Variants in CNTNAP2 observed in about 807,000 individuals in gnomAD.
CNTNAP2 encodes the protein contactin associated protein 2, also known as contactin-associated protein-like 2.
Under a neutral mutation model 155.2 loss-of-function variants are expected in CNTNAP2, and 98 were observed. The ratio of observed to expected loss-of-function variants is 0.63; its 90% CI spans 0.54 to 0.75. The LOEUF is 0.75. Among genes scored for constraint, CNTNAP2 ranks in the 30% least tolerant of loss-of-function variants. The probability of loss-of-function intolerance (pLI) is 0.00; values close to 1 mark genes in which losing one functional copy is unlikely to be tolerated. For synonymous variants in CNTNAP2, 651 were observed against 631.2 expected (o/e 1.03, Z -0.47); for missense variants, 1,727 against 1,688.1 (o/e 1.02, Z -0.40).
intron 1 of CNTNAP2, among the ~76,000 whole-genome samples, chr7:146,682,009 AAC>A (rs59333105): frequency 0.7 from 106,200 of 151,748 alleles, 38,134 homozygotes; most frequent in South Asian, 0.86. Flanking sequence ...GACGCACAGA[AAC>A]ACATGTATAA....
At chr7:146,170,185 C>A (rs939388612) in intron 1 of CNTNAP2, among the ~76,000 whole-genome samples, 3 of 151,906 alleles carry the variant, frequency 2.0e-5, no homozygotes. Flanking sequence ...CACCACCACA[C>A]CCAGCTAATT....
rs565034617 is a variant in CNTNAP2, at chr7:148,375,639, G to GT, written c.3476-8009dup. Among the ~76,000 whole-genome samples the GT allele has an allele frequency of 2.5e-3, 374 of 151,238 alleles. 2 individuals carry two copies. The highest frequency in any genetic ancestry group is 8.2e-3 in the African/African-American group (336 of 41,212). ...CTCCCAAAGTGCTGGGATTACAGGCGTAAGCCACCATGCCCGGCCATTACA... is the reference window on the plus strand; with the variant it reads ...CTCCCAAAGTGCTGGGATTACAGGCGTTAAGCCACCATGCCCGGCCATTACA... On this transcript the variant is annotated intron_variant, in intron 21 of 23. Transcript: ENST00000361727.
chr7:146,813,142 C>T lies in CNTNAP2; in HGVS notation c.209-26569C>T, dbSNP rs182208835. ...GTGGAAGGAAAATGTAGGGTCAGAG[C>T]CCCCACACAGAGTCCCCACTGGGGC... On this transcript the variant is annotated intron_variant, in intron 2 of 23. Coordinates refer to ENST00000361727, the MANE Select transcript of CNTNAP2 (RefSeq NM_014141.6). Among the ~76,000 whole-genome samples, 19 of 152,222 alleles carry T rather than the reference C, an allele frequency of 1.2e-4. No individual in the cohort carries two copies. The East Asian group carries it at 3.3e-3, about 26-fold the overall frequency.
At chr7:147,940,526 A>G (rs2116814170) in intron 14 of CNTNAP2, among the ~76,000 whole-genome samples, 1 of 151,998 alleles carries the variant, frequency 6.6e-6, no homozygotes, top group Non-Finnish European at 1.5e-5. Flanking sequence ...TTTCTTTTTT[A>G]ATTATTTATT....
rs555429615 is a variant in CNTNAP2, at chr7:148,210,913, C to A, written c.3011-6375C>A. 5.3e-5 allele frequency among the ~76,000 whole-genome samples: 8 copies of A among 152,258 alleles called. No individual in the cohort carries two copies. In the South Asian group the frequency reaches 1.7e-3, roughly 32 times the overall value. On this transcript the variant is annotated intron_variant, in intron 18 of 23. Coordinates refer to ENST00000361727, the MANE Select transcript of CNTNAP2 (RefSeq NM_014141.6). ...AAAAGCAGATTTTGCCAATGTAAGACCAGGAGAAAAACTGGTTGTGTTTCA... is the reference window on the plus strand; with the variant it reads ...AAAAGCAGATTTTGCCAATGTAAGAACAGGAGAAAAACTGGTTGTGTTTCA...
intron 13 of CNTNAP2, among the ~76,000 whole-genome samples, chr7:147,766,070 G>A (rs996592457): frequency 1.3e-5 from 2 of 152,104 alleles, no homozygotes; most frequent in Non-Finnish European, 2.9e-5. Flanking sequence ...TGGGGCCAAG[G>A]GTAGACAGAA....
intron 12 of CNTNAP2, among the ~76,000 whole-genome samples, chr7:147,617,410 G>T (rs1801313409): frequency 6.6e-6 from 1 of 152,098 alleles, no homozygotes; most frequent in East Asian, 1.9e-4. Context: ...GACCAGATCA[G>T]GAACTTAATA....
intron 1 of CNTNAP2, among the ~76,000 whole-genome samples, chr7:146,696,282 G>A (rs549292257): frequency 5.7e-4 from 87 of 152,184 alleles, no homozygotes; most frequent in African/African-American, 1.6e-3. Flanking sequence ...GAATCAGTCC[G>A]TTTCATCTAG....
At position 148,361,861 on chromosome 7, in the gene CNTNAP2, G is replaced by C. The variant is rs576324095; in HGVS notation, c.3476-21788G>C. 8.5e-5 allele frequency among the ~76,000 whole-genome samples: 13 copies of C among 152,302 alleles called. No homozygotes were observed. The East Asian group carries it at 2.3e-3, about 27-fold the overall frequency. Reference sequence around the variant, plus strand: ...TCTTCACAGGGCGGCAGGAGAGAGAGAATGAGTGCCAGCAGGGGAAATGCC... The same window carrying C: ...TCTTCACAGGGCGGCAGGAGAGAGACAATGAGTGCCAGCAGGGGAAATGCC... On this transcript the variant is annotated intron_variant, in intron 21 of 23. Coordinates refer to ENST00000361727, the MANE Select transcript of CNTNAP2 (RefSeq NM_014141.6).
intron 8 of CNTNAP2, among the ~76,000 whole-genome samples, chr7:147,171,076 C>T (rs553572113): frequency 5.4e-4 from 82 of 152,272 alleles, no homozygotes; most frequent in Admixed American, 3.1e-3. Context: ...CAGGAGATGC[C>T]CCTGCCAGCT....
intron 9 of CNTNAP2, among the ~76,000 whole-genome samples, chr7:147,384,253 T>A (rs1268752067): frequency 6.6e-6 from 1 of 152,206 alleles, no homozygotes; most frequent in Admixed American, 6.5e-5. Flanking sequence ...ATAGATTTCC[T>A]TGAAGAGTAA....
chr7:146,187,263 G>C (rs1351571566), intron 1 of CNTNAP2, among the ~76,000 whole-genome samples: 1 of 152,128 alleles, frequency 6.6e-6, no homozygotes, highest in African/African-American at 2.4e-5. Flanking sequence ...CCTTGCTTCA[G>C]ACATCTTCTG....
At chr7:148,180,658 C>CTATATATATATAT (rs1334177984) in intron 18 of CNTNAP2, among the ~76,000 whole-genome samples, 1 of 152,086 alleles carries the variant, frequency 6.6e-6, no homozygotes, top group African/African-American at 2.4e-5. Flanking sequence ...GCCTATATAC[C>CTATATATATATAT]ATAGAGAAAG....
intron 15 of CNTNAP2, among the ~76,000 whole-genome samples, chr7:148,087,023 A>G (rs17481626): frequency 0.057 from 8,691 of 152,246 alleles, 314 homozygotes; most frequent in Admixed American, 0.12. Context: ...AAAATAGTTT[A>G]TTAAGATTAT....
intron 16 of CNTNAP2, among the ~76,000 whole-genome samples, chr7:148,136,606 T>C (rs982587144): frequency 3.3e-5 from 5 of 152,178 alleles, no homozygotes; most frequent in Admixed American, 2.6e-4. Flanking sequence ...CAAAATGGAC[T>C]AGAACAGCTG....
intron 9 of CNTNAP2, among the ~76,000 whole-genome samples, chr7:147,301,570 A>G (rs1334543848): frequency 2.7e-5 from 4 of 149,530 alleles, no homozygotes; most frequent in African/African-American, 9.9e-5. Context: ...ATATAGTTAT[A>G]TAGCTCTCTC....
intron 9 of CNTNAP2, among the ~76,000 whole-genome samples, chr7:147,354,997 CTT>C (rs1796038351): frequency 6.6e-6 from 1 of 152,074 alleles, no homozygotes; most frequent in Non-Finnish European, 1.5e-5. Context: ...TACCCTGACA[CTT>C]TTCTGAAGTT....
intron 1 of CNTNAP2, among the ~76,000 whole-genome samples, chr7:146,386,310 G>A (rs1795461151): frequency 6.6e-6 from 1 of 152,072 alleles, no homozygotes; most frequent in Non-Finnish European, 1.5e-5. Context: ...ACATTATTTT[G>A]GGTACATAGC....
At chr7:146,208,087 A>T (rs948483203) in intron 1 of CNTNAP2, among the ~76,000 whole-genome samples, 7 of 152,070 alleles carry the variant, frequency 4.6e-5, no homozygotes, top group African/African-American at 1.7e-4. Flanking sequence ...TTTAGTTCCT[A>T]AAGTATGTTC....
Sources: allele counts gnomAD v4.1 joint callset (sites outside exome capture counted in the v4.1 genomes callset), GRCh38; gene constraint gnomAD v4.1.1; transcripts MANE v1.5; gene names NCBI Gene and HGNC (gene_info 2026-07-23, HGNC 2026-07-21).